Variants in ZNF469 observed in about 807,000 individuals in gnomAD.
ZNF469 encodes zinc finger protein 469.
A neutral mutation model predicts 1.0 loss-of-function variants in ZNF469; 1 was observed. The ratio of observed to expected loss-of-function variants is 1.00; its 90% CI spans 0.35 to 4.73. The LOEUF (loss-of-function observed/expected upper bound fraction) is 4.73, where lower values mean the gene tolerates loss of function less well. Among genes scored for constraint, ZNF469 ranks in the 30% most tolerant of loss-of-function variants. The pLI is 0.16. For missense variants in ZNF469, 6,100 were observed against 5,356.3 expected (o/e 1.14, Z -4.33); for synonymous variants, 2,703 against 2,363.4 (o/e 1.14, Z -4.17).
At chr16:88,343,666 G>A in the ZNF469 span, among the ~76,000 whole-genome samples, 1 of 152,094 alleles carries the variant, frequency 6.6e-6, no homozygotes, top group Non-Finnish European at 1.5e-5. Context: ...TGGCAAGGGG[G>A]CTGAGCCTGG....
Position 88,430,019 on chromosome 16 carries a change from G to A in ZNF469, c.2549G>A (p.Gly850Asp). 6.5e-7 allele frequency: 1 copy of A among 1,550,370 alleles called. No homozygotes were observed. Among genetic ancestry groups the A allele is most frequent in the Non-Finnish European group, 8.7e-7 (1 of 1,146,970 alleles). The change falls in exon 3 of 3, where the codon GGC becomes GAC. Residue 850 changes from glycine (G) to aspartate (D), a missense_variant. Coordinates refer to ENST00000565624, the MANE Select transcript of ZNF469 (RefSeq NM_001367624.2). ...LDSLITEALN[G>D]MEYQSDNPEI... ...AGCCTCATCACAGAGGCGCTCAACG[G>A]CATGGAGTACCAGTCGGACAACCCG...
chr16:88,278,552 A>G, the ZNF469 span, among the ~76,000 whole-genome samples: 738 of 66,494 alleles, frequency 0.011, 26 homozygotes, highest in African/African-American at 0.041. Context: ...GCTGCACCAC[A>G]CTGACGCTTG....
Position 88,433,561 on chromosome 16 carries a change from G to A in ZNF469, c.6091G>A (p.Glu2031Lys), listed in dbSNP as rs273585622. The change falls in exon 3 of 3, where the codon GAG becomes AAG. Residue 2031 changes from glutamate (E) to lysine (K), a missense_variant. Coordinates refer to ENST00000565624, the MANE Select transcript of ZNF469 (RefSeq NM_001367624.2). ...SPKTALTGPT[E>K]GAVLLEKCKG... Reference sequence around the variant, plus strand: ...CAAAACAGCGCTGACCGGCCCCACCGAGGGTGCAGTCCTGCTAGAGAAATG... The same window carrying A: ...CAAAACAGCGCTGACCGGCCCCACCAAGGGTGCAGTCCTGCTAGAGAAATG... The A allele has an allele frequency of 7.7e-5, 119 of 1,550,346 alleles. 2 individuals carry two copies. The South Asian group carries it at 7.9e-4, about 10-fold the overall frequency.
the ZNF469 span, among the ~76,000 whole-genome samples, chr16:88,154,304 T>C: frequency 6.6e-6 from 1 of 152,190 alleles, no homozygotes; most frequent in Non-Finnish European, 1.5e-5. Flanking sequence ...ATTACAGGCA[T>C]GCGCCACCAC....
At chr16:88,299,090 G>A in the ZNF469 span, among the ~76,000 whole-genome samples, 17 of 151,152 alleles carry the variant, frequency 1.1e-4, no homozygotes, top group African/African-American at 4.1e-4. Flanking sequence ...GGCAGGGAGG[G>A]CTTCCTGGAG....
chr16:88,315,568 G>A, the ZNF469 span, among the ~76,000 whole-genome samples: 1 of 152,228 alleles, frequency 6.6e-6, no homozygotes, highest in African/African-American at 2.4e-5. Flanking sequence ...ACTTTGCAGA[G>A]GAGGGAGCAG....
chr16:88,296,984 T>C, the ZNF469 span, among the ~76,000 whole-genome samples: 1 of 152,190 alleles, frequency 6.6e-6, no homozygotes, highest in African/African-American at 2.4e-5. Flanking sequence ...TGTTGGCCAC[T>C]GAGCAATGCG....
chr16:88,403,066 G>A (rs1435113584), intron 1 of ZNF469, among the ~76,000 whole-genome samples: 1 of 152,216 alleles, frequency 6.6e-6, no homozygotes, highest in Non-Finnish European at 1.5e-5. Context: ...TTAACTTTAT[G>A]GGGCCCAGAA....
At chr16:88,402,287 C>G (rs986782903) in intron 1 of ZNF469, among the ~76,000 whole-genome samples, 4 of 152,132 alleles carry the variant, frequency 2.6e-5, no homozygotes, top group African/African-American at 9.7e-5. Flanking sequence ...CTACTCTACC[C>G]TCTCCTTCAG....
the ZNF469 span, among the ~76,000 whole-genome samples, chr16:88,107,105 G>A: frequency 1.3e-5 from 2 of 152,146 alleles, no homozygotes; most frequent in African/African-American, 4.8e-5. Context: ...CACGGGAGGT[G>A]CCGTGACTGT....
chr16:88,196,069 C>T, the ZNF469 span, among the ~76,000 whole-genome samples: 1 of 152,320 alleles, frequency 6.6e-6, no homozygotes, highest in South Asian at 2.1e-4. Flanking sequence ...TCTGACTTAT[C>T]CATCTGCATT....
At chr16:88,185,357 C>G in the ZNF469 span, among the ~76,000 whole-genome samples, 2 of 138,952 alleles carry the variant, frequency 1.4e-5, no homozygotes, top group African/African-American at 5.5e-5. Context: ...CATGCACACA[C>G]AAACATACCT....
chr16:88,115,795 A>G, the ZNF469 span, among the ~76,000 whole-genome samples: 1 of 152,018 alleles, frequency 6.6e-6, no homozygotes, highest in Admixed American at 6.6e-5. Flanking sequence ...TTCTAGCTGT[A>G]TTCCTTCCAG....
At chr16:88,185,581 C>G in the ZNF469 span, among the ~76,000 whole-genome samples, 3 of 152,092 alleles carry the variant, frequency 2.0e-5, no homozygotes, top group African/African-American at 7.2e-5. Flanking sequence ...ATAGTACTCG[C>G]ACACACATGC....
At chr16:88,124,504 T>C in the ZNF469 span, among the ~76,000 whole-genome samples, 1 of 152,270 alleles carries the variant, frequency 6.6e-6, no homozygotes, top group Non-Finnish European at 1.5e-5. Context: ...ATCACAGGCA[T>C]GAGCCACCAT....
the ZNF469 span, among the ~76,000 whole-genome samples, chr16:88,335,731 C>G: frequency 6.6e-6 from 1 of 152,252 alleles, no homozygotes; most frequent in Non-Finnish European, 1.5e-5. Context: ...GAGGCATTGA[C>G]GCAGCAACAC....
upstream of ZNF469, among the ~76,000 whole-genome samples, chr16:88,379,612 G>A (rs543951565): frequency 1.3e-5 from 2 of 152,234 alleles, no homozygotes; most frequent in South Asian, 2.1e-4. Context: ...TGACACCTGG[G>A]GCAGGATGAT....
rs1370395636 is a variant in ZNF469 at position 88,437,029 on chromosome 16, G to A, written c.9559G>A (p.Val3187Ile). 14 of 1,531,272 alleles carry A rather than the reference G, an allele frequency of 9.1e-6. No individual in the cohort carries two copies. The highest frequency in any genetic ancestry group is 1.1e-5 in the Non-Finnish European group (13 of 1,141,128). 94.9% of individuals were successfully genotyped at this position (1,531,272 alleles called of 1,614,324 possible). The stretch of plus-strand genomic sequence containing the variant: ...CATGTGCCTGAAGGAGGTGGCCGAC[G>A]TCTGGATGTACAACGAGCACCTGCG... ...CGMCLKEVAD[V>I]WMYNEHLREH... Residue 3187 changes from valine to isoleucine, a missense_variant, in exon 3 of 3, where the codon GTC (valine) becomes ATC (isoleucine). Val to Ile is a conservative substitution (Grantham distance 29, BLOSUM62 3). Coordinates refer to ENST00000565624, the MANE Select transcript of ZNF469 (RefSeq NM_001367624.2).
chr16:88,149,287 C>T, the ZNF469 span, among the ~76,000 whole-genome samples: 1 of 152,188 alleles, frequency 6.6e-6, no homozygotes, highest in Non-Finnish European at 1.5e-5. Flanking sequence ...GCTCTCCGGC[C>T]TTCACTCGGC....
Sources: allele counts gnomAD v4.1 joint callset (sites outside exome capture counted in the v4.1 genomes callset), GRCh38; gene constraint gnomAD v4.1.1; transcripts MANE v1.5; gene names NCBI Gene and HGNC (gene_info 2026-07-23, HGNC 2026-07-21).